The following GRIN1 variants were observed in gnomAD, a reference collection of about 807,000 sequenced individuals.
The protein encoded by GRIN1 is glutamate ionotropic receptor NMDA type subunit 1, also known as glutamate receptor ionotropic, NMDA 1.
GRIN1 carries 38 observed loss-of-function variants against 103.0 expected under a neutral mutation model. The ratio of observed to expected loss-of-function variants is 0.37; its 90% CI spans 0.28 to 0.48. The LOEUF is 0.48. Among genes scored for constraint, GRIN1 ranks in the 20% least tolerant of loss-of-function variants. The probability of loss-of-function intolerance (pLI) is 0.98; values close to 1 mark genes in which losing one functional copy is unlikely to be tolerated. For missense variants in GRIN1, 577 were observed against 1,288.9 expected (o/e 0.45, Z 8.46); for synonymous variants, 544 against 532.7 (o/e 1.02, Z -0.29).
At position 137,164,362 on chromosome 9, in the gene GRIN1, G is replaced by A. The variant is rs1699691330; in HGVS notation, c.2589+458G>A. Reference sequence around the variant, plus strand: ...GTGACTCTAATCCGAATTGGGCCAGGTCCGGTCCTGCCTGGTGCCCAGGTT... The same window carrying A: ...GTGACTCTAATCCGAATTGGGCCAGATCCGGTCCTGCCTGGTGCCCAGGTT... On this transcript the variant is annotated intron_variant, in intron 18 of 19. Transcript: ENST00000371561. 3 of 262,502 alleles carry A rather than the reference G, an allele frequency of 1.1e-5. No homozygotes were observed. The Admixed American group carries it at 1.5e-4, about 13-fold the overall frequency. 16.3% of individuals were successfully genotyped at this position (262,502 alleles called of 1,614,324 possible). A position where few individuals can be genotyped will look rare whatever the true frequency, so the allele number is the denominator to read the frequency against.
At chr9:137,141,178 G>A (rs1832143920) in intron 1 of GRIN1, among the ~76,000 whole-genome samples, 3 of 152,206 alleles carry the variant, frequency 2.0e-5, no homozygotes, top group African/African-American at 4.8e-5. Flanking sequence ...GTCCTGCCAC[G>A]TGGGGCCATG....
Position 137,157,018 on chromosome 9 carries a change from A to G in GRIN1, c.949A>G (p.Thr317Ala). The G allele has an allele frequency of 6.6e-7, 1 of 1,516,582 alleles. No individual in the cohort carries two copies. Among genetic ancestry groups the G allele is most frequent in the Non-Finnish European group, 8.9e-7 (1 of 1,121,986 alleles). The allele number at this position is 1,516,582 out of a possible 1,614,324, so 93.9% of individuals were successfully genotyped here. A position where few individuals can be genotyped will look rare whatever the true frequency, so the allele number is the denominator to read the frequency against. Residue 317 changes from threonine (T) to alanine (A), a missense_variant, in exon 6 of 20, where the codon ACC (threonine) becomes GCC (alanine). Physicochemically the swap from Thr to Ala is moderately conservative, Grantham distance 58 (BLOSUM62 0). Coordinates refer to ENST00000371561, the MANE Select transcript of GRIN1 (RefSeq NM_007327.4). ...CGTGGGCAACACCAACATCTGGAAGACCGGGCCGCTCTTCAAGAGGTGGGC... is the reference window on the plus strand; with the variant it reads ...CGTGGGCAACACCAACATCTGGAAGGCCGGGCCGCTCTTCAAGAGGTGGGC... The part of the protein sequence containing the change: ...GCVGNTNIWK[T>A]GPLFKRVLMS...
At position 137,162,019 on chromosome 9, in the gene GRIN1, C is replaced by T. The variant is rs1327789874; in HGVS notation, c.1563C>T (p.Asn521=). The change falls in exon 11 of 20, where the codon AAC becomes AAT. Residue 521 remains asparagine, a synonymous_variant. Transcript: ENST00000371561. The stretch of plus-strand genomic sequence containing the variant: ...TCGTGGCGCCGCTAACCATAAACAA[C>T]GAGCGCGCGCAGTACATCGAGTTTT... ...DMIVAPLTIN[N]ERAQYIEFSK... 21 of 1,555,920 alleles carry T rather than the reference C, an allele frequency of 1.3e-5. No individual in the cohort carries two copies. Among genetic ancestry groups the T allele is most frequent in the Non-Finnish European group, 1.7e-5 (20 of 1,149,796 alleles).
rs1832702504 is a variant in GRIN1, at chr9:137,149,104, T to C, written c.666T>C (p.Ser222=). 1 of 1,604,732 alleles carries C rather than the reference T, an allele frequency of 6.2e-7. No homozygotes were observed. The highest frequency in any genetic ancestry group is 8.5e-7 in the Non-Finnish European group (1 of 1,173,914). ...TGGAGGCCCGGGTCATCATCCTTTC[T>C]GCCAGGTGAGGCTGGGCAGGGCCCT... ...KELEARVIIL[S]ASEDDAATVY... The change falls in exon 4 of 20, where the codon TCT becomes TCC. Residue 222 remains serine (S), a synonymous_variant. Coordinates refer to ENST00000371561, the MANE Select transcript of GRIN1 (RefSeq NM_007327.4).
intron 18 of GRIN1, chr9:137,164,176 G>A (rs370238048): frequency 2.1e-5 from 11 of 520,952 alleles, no homozygotes; most frequent in Admixed American, 1.3e-4. Context: ...CTCCAGAGTC[G>A]CCCGCCGGTA....
intron 4 of GRIN1, among the ~76,000 whole-genome samples, chr9:137,149,784 C>T (rs2131235759): frequency 6.6e-6 from 1 of 152,312 alleles, no homozygotes; most frequent in South Asian, 2.1e-4. Flanking sequence ...ACAGCCAAAA[C>T]CCCACTGTCC....
chr9:137,161,639 T>C lies in GRIN1; in HGVS notation c.1467+223T>C, dbSNP rs928746317. On this transcript the variant is annotated intron_variant, in intron 10 of 19. Coordinates refer to ENST00000371561, the MANE Select transcript of GRIN1 (RefSeq NM_007327.4). ...GGCCTGACATGGGAGGGGCCTGACG[T>C]GGGGGTCGGAGTGGGTGGGGCACGG... Among the ~76,000 whole-genome samples, 202 of 12,432 alleles carry C rather than the reference T, an allele frequency of 0.016. No homozygotes were observed. The highest frequency in any genetic ancestry group is 0.02 in the Non-Finnish European group (131 of 6,638). 8.2% of individuals were successfully genotyped at this position (12,432 alleles called of 152,430 possible).
At position 137,163,749 on chromosome 9, in the gene GRIN1, C is replaced by T. The variant is rs200762696; in HGVS notation, c.2444-10C>T. 2.9e-5 allele frequency: 47 copies of T among 1,613,744 alleles called. No individual in the cohort carries two copies. Among genetic ancestry groups the T allele is most frequent in the East Asian group, 2.7e-4 (12 of 44,886 alleles). ...GGCCAGCAACTGAGGCTCTGGGTCC[C>T]GGCACACAGGGGTCTTCATGCTGGT... On this transcript the variant is annotated splice_polypyrimidine_tract_variant and intron_variant, in intron 17 of 19. Transcript: ENST00000371561.
chr9:137,163,413 GCCA>G (rs1180855209), intron 16 of GRIN1, 83 bp downstream of exon 16: 3 of 1,531,516 alleles, frequency 2.0e-6, no homozygotes, highest in Admixed American at 3.3e-5. Flanking sequence ...CCACTCCGAG[GCCA>G]CCACTGATTT....
intron 1 of GRIN1, 102 bp from the exon 2 acceptor site, chr9:137,141,911 T>A: frequency 8.0e-7 from 1 of 1,249,396 alleles, no homozygotes; most frequent in Non-Finnish European, 1.2e-6. Flanking sequence ...CCAGCCCCCC[T>A]TAGCCTGCTG....
At position 137,168,029 on chromosome 9, in the gene GRIN1, G is replaced by C; in HGVS notation, c.*502G>C. ...GCTGGACCAAGGTGCGGACCGGAGC[G>C]GCTGAGGACGGGGCAGAGCTGAGTC... On this transcript the variant is annotated 3_prime_UTR_variant, in exon 20 of 20. Coordinates refer to ENST00000371561, the MANE Select transcript of GRIN1 (RefSeq NM_007327.4). The C allele has an allele frequency of 1.5e-6, 1 of 659,062 alleles. No homozygotes were observed. The highest frequency in any genetic ancestry group is 1.8e-5 in the African/African-American group (1 of 56,190). 40.8% of individuals were successfully genotyped at this position (659,062 alleles called of 1,614,324 possible).
intron 8 of GRIN1, among the ~76,000 whole-genome samples, chr9:137,159,683 T>G (rs1309023493): frequency 6.6e-6 from 1 of 152,260 alleles, no homozygotes; most frequent in Non-Finnish European, 1.5e-5. Flanking sequence ...TCACTAATTT[T>G]TTAAAAATAC....
Position 137,154,613 on chromosome 9 carries a change from C to T in GRIN1, c.672-2056C>T, listed in dbSNP as rs532103003. Among the ~76,000 whole-genome samples, 14 of 151,868 alleles carry T rather than the reference C, an allele frequency of 9.2e-5. No individual in the cohort carries two copies. In the South Asian group the frequency reaches 1.9e-3, roughly 20 times the overall value. On this transcript the variant is annotated intron_variant, in intron 4 of 19. Coordinates refer to ENST00000371561, the MANE Select transcript of GRIN1 (RefSeq NM_007327.4). ...GGATTACAGGCATGCGCCACCACCCCGGCTAATTTTTTTGTTTTTGTAGAG... is the reference window on the plus strand; with the variant it reads ...GGATTACAGGCATGCGCCACCACCCTGGCTAATTTTTTTGTTTTTGTAGAG...
intron 10 of GRIN1, 73 bp downstream of exon 10, chr9:137,161,489 G>A: frequency 2.1e-6 from 3 of 1,405,616 alleles, no homozygotes; most frequent in South Asian, 1.2e-5. Context: ...GTGGGGCATG[G>A]AGTAGGCGGG....
At chr9:137,144,471 G>GCA (rs1832361343) in intron 2 of GRIN1, among the ~76,000 whole-genome samples, 1 of 151,854 alleles carries the variant, frequency 6.6e-6, no homozygotes, top group Non-Finnish European at 1.5e-5. Flanking sequence ...TGGCTAATAC[G>GCA]GTGAAACCCC....
Position 137,145,918 on chromosome 9 carries a change from G to A in GRIN1, c.570+16G>A, listed in dbSNP as rs201978748. On this transcript the variant is annotated intron_variant, in intron 3 of 19. Coordinates refer to ENST00000371561, the MANE Select transcript of GRIN1 (RefSeq NM_007327.4). ...TGAGTCCAAGGTGAGGGTCGGCGCC[G>A]CGGGTGGGCGCCTGGCGGAGCCGAG... 1.6e-5 allele frequency: 25 copies of A among 1,575,352 alleles called. No individual in the cohort carries two copies. The highest frequency in any genetic ancestry group is 1.2e-4 in the African/African-American group (9 of 74,252).
rs776109959 is a variant in GRIN1, at chr9:137,162,307, G to C, written c.1751+17G>C. Reference sequence around the variant, plus strand: ...CCGCTTCAGGTGAGCGCGACCCGGGGCTCAGACACCTCCATCTGCGGGGCG... The same window carrying C: ...CCGCTTCAGGTGAGCGCGACCCGGGCCTCAGACACCTCCATCTGCGGGGCG... On this transcript the variant is annotated intron_variant, in intron 12 of 19. Coordinates refer to ENST00000371561, the MANE Select transcript of GRIN1 (RefSeq NM_007327.4). The C allele has an allele frequency of 5.2e-6, 8 of 1,548,568 alleles. No individual in the cohort carries two copies. Among genetic ancestry groups the C allele is most frequent in the African/African-American group, 1.4e-5 (1 of 73,762 alleles).
chr9:137,150,638 G>GA (rs1211335368), intron 4 of GRIN1, among the ~76,000 whole-genome samples: 20 of 123,164 alleles, frequency 1.6e-4, no homozygotes, highest in East Asian at 5.4e-4. Context: ...GCCCCGCCCA[G>GA]AAAAAAGACC....
Position 137,161,293 on chromosome 9 carries a change from C to T in GRIN1, c.1344C>T (p.Arg448=), listed in dbSNP as rs200574152. ...TTACCGCCCGCACCTACCCAGCCCG[C>T]CACACGGTGCCTCAGTGTTGCTACG... ...GPNDTSPGSP[R]HTVPQCCYGF... is the part of the protein sequence containing the mutation. The change falls in exon 10 of 20, where the codon CGC becomes CGT. Residue 448 remains arginine (R), a synonymous_variant. Transcript: ENST00000371561. 5.0e-6 allele frequency: 8 copies of T among 1,612,274 alleles called. No individual in the cohort carries two copies. The highest frequency in any genetic ancestry group is 1.3e-5 in the African/African-American group (1 of 74,896).
Sources: allele counts gnomAD v4.1 joint callset (sites outside exome capture counted in the v4.1 genomes callset), GRCh38; gene constraint gnomAD v4.1.1; transcripts MANE v1.5; gene names NCBI Gene and HGNC (gene_info 2026-07-23, HGNC 2026-07-21).